The following UGT2A2 variants were observed in gnomAD, a reference collection of about 807,000 sequenced individuals.
UGT2A2 encodes UDP glucuronosyltransferase family 2 member A2.
A neutral mutation model predicts 50.7 loss-of-function variants in UGT2A2; 60 were observed. The ratio of observed to expected loss-of-function variants is 1.18; its 90% CI spans 0.96 to 1.47. The LOEUF is 1.47. Among genes scored for constraint, UGT2A2 ranks in the 40% most tolerant of loss-of-function variants. UGT2A2 has a pLI of 0.00. For synonymous variants in UGT2A2, 242 were observed against 214.6 expected (o/e 1.13, Z -1.11); for missense variants, 762 against 634.0 (o/e 1.20, Z -2.17).
At chr4:69,626,142 A>T (rs1721044162) in intron 1 of UGT2A2, among the ~76,000 whole-genome samples, 1 of 150,784 alleles carries the variant, frequency 6.6e-6, no homozygotes. Context: ...ACCTTGTTGG[A>T]TACTGGGCTA....
Position 69,589,375 on chromosome 4 carries a change from TTC to T in UGT2A2, c.1606_1607del (p.Glu536IlefsTer18), listed in dbSNP as rs745484922. On this transcript the variant is annotated frameshift_variant, in exon 6 of 6. Coordinates refer to ENST00000604629, the MANE Select transcript of UGT2A2 (RefSeq NM_001105677.2). LOFTEE classifies it high-confidence loss of function. ...TATATTTCCTCTTTTTCTTGACCTA[TTC>T]TCTTTTTTTCTTCTTTCCTATCTTA... is the stretch of plus-strand genomic sequence containing the variant. ...FGKIGKKKKR[E>X] 1.1e-5 allele frequency: 17 copies of T among 1,610,316 alleles called. No individual in the cohort carries two copies. The Admixed American group carries it at 2.9e-4, about 27-fold the overall frequency.
At chr4:69,598,405 A>G (rs1577949271) in intron 2 of UGT2A2, among the ~76,000 whole-genome samples, 1 of 152,010 alleles carries the variant, frequency 6.6e-6, no homozygotes, top group East Asian at 1.9e-4. Flanking sequence ...GCTTCTCAAC[A>G]CTTTTTCTGT....
At chr4:69,637,297 T>C (rs1009822060) in intron 1 of UGT2A2, among the ~76,000 whole-genome samples, 2 of 152,140 alleles carry the variant, frequency 1.3e-5, no homozygotes, top group Admixed American at 6.5e-5. Context: ...ATGTGGTATA[T>C]TTAATATCTT....
At chr4:69,590,311 C>T (rs1718514797) in intron 5 of UGT2A2, among the ~76,000 whole-genome samples, 1 of 152,178 alleles carries the variant, frequency 6.6e-6, no homozygotes, top group Non-Finnish European at 1.5e-5. Flanking sequence ...AACTTGCCAT[C>T]ACAATAGAGA....
chr4:69,618,381 T>C (rs1720543175), intron 1 of UGT2A2, among the ~76,000 whole-genome samples: 1 of 151,844 alleles, frequency 6.6e-6, no homozygotes, highest in South Asian at 2.1e-4. Flanking sequence ...GAGATTCCAC[T>C]ACAGGTTGGC....
chr4:69,607,201 G>GTACTGGTACCAAAACAGCATGA, intron 1 of UGT2A2, among the ~76,000 whole-genome samples: 1 of 150,242 alleles, frequency 6.7e-6, no homozygotes, highest in African/African-American at 2.5e-5. Context: ...AAACAGCATG[G>GTACTGGTACCAAAACAGCATGA]TACTGGTACC....
chr4:69,610,687 G>A (rs973305066), intron 1 of UGT2A2, among the ~76,000 whole-genome samples: 1 of 152,142 alleles, frequency 6.6e-6, no homozygotes, highest in Non-Finnish European at 1.5e-5. Context: ...CTTCCAAGAA[G>A]AGGAAGTGAC....
intron 1 of UGT2A2, among the ~76,000 whole-genome samples, chr4:69,610,481 C>A (rs17147503): frequency 0.013 from 2,012 of 152,038 alleles, 45 homozygotes; most frequent in African/African-American, 0.046. Context: ...ACTTATGAAC[C>A]AATTAATATT....
intron 1 of UGT2A2, among the ~76,000 whole-genome samples, chr4:69,615,010 C>G (rs1488026660): frequency 6.6e-6 from 1 of 151,922 alleles, no homozygotes; most frequent in African/African-American, 2.4e-5. Context: ...CACTTTTAAA[C>G]AGCTATATCT....
intron 1 of UGT2A2, among the ~76,000 whole-genome samples, chr4:69,638,622 C>A (rs1278929049): frequency 1.3e-5 from 2 of 152,084 alleles, no homozygotes; most frequent in Non-Finnish European, 2.9e-5. Context: ...TGGGCACTTT[C>A]ATTTATATTT....
rs143064060 is a variant in UGT2A2, at chr4:69,627,598, A to AAAAGAAAGAAAG, written c.742+11289_742+11300dup. 2.5e-3 allele frequency among the ~76,000 whole-genome samples: 366 copies of AAAAGAAAGAAAG among 149,222 alleles called. 2 individuals carry two copies. The highest frequency in any genetic ancestry group is 8.3e-3 in the African/African-American group (339 of 40,626). ...AGAGAGAAAGAAAAAAAGAAGAAAGAAAAGAAAGAAAGAAAGAGAAGAAAG... is the reference window on the plus strand; with the variant it reads ...AGAGAGAAAGAAAAAAAGAAGAAAGAAAAGAAAGAAAGAAAGAAAGAAAGAAAGAGAAGAAAG... On this transcript the variant is annotated intron_variant, in intron 1 of 5. Transcript: ENST00000604629.
rs923871619 is a variant in UGT2A2 at position 69,639,416 on chromosome 4, A to C, written c.225T>G (p.Asp75Glu). 1.9e-6 allele frequency: 3 copies of C among 1,613,222 alleles called. No homozygotes were observed. The highest frequency in any genetic ancestry group is 2.7e-5 in the African/African-American group (2 of 74,878). Residue 75 changes from aspartate (D) to glutamate (E), a missense_variant, in exon 1 of 6, where the codon GAT becomes GAG. By Grantham distance (45) the Asp-to-Glu change is conservative (BLOSUM62 2). Transcript: ENST00000604629. ...SATLFINSNP[D>E]SPVNFEVIPV... ...GTATCACTTCAAAATTCACAGGAGA[A>C]TCGGGATTGGAGTTGATGAATAGAG...
intron 1 of UGT2A2, among the ~76,000 whole-genome samples, chr4:69,618,209 G>GTA (rs767771388): frequency 0.21 from 22,491 of 108,950 alleles, 1,998 homozygotes; most frequent in Non-Finnish European, 0.25. Flanking sequence ...GTGTGTGTGT[G>GTA]TGTGTGTATG....
At chr4:69,619,597 T>G (rs1720620436) in intron 1 of UGT2A2, among the ~76,000 whole-genome samples, 1 of 151,958 alleles carries the variant, frequency 6.6e-6, no homozygotes, top group South Asian at 2.1e-4. Flanking sequence ...TCAGGTGAAT[T>G]ATTCCATTTG....
intron 1 of UGT2A2, among the ~76,000 whole-genome samples, chr4:69,636,038 T>C (rs7686386): frequency 0.036 from 5,461 of 152,208 alleles, 318 homozygotes; most frequent in African/African-American, 0.12. Flanking sequence ...ACTCATTTCA[T>C]CTGTAAGATT....
At chr4:69,589,697 A>G in intron 5 of UGT2A2, 46 bp from the exon 6 acceptor site, 1 of 1,559,644 alleles carries the variant, frequency 6.4e-7, no homozygotes, top group Non-Finnish European at 8.7e-7. Flanking sequence ...TTTTGTTTTT[A>G]TTTTCATTGA....
chr4:69,626,645 A>AT (rs1480620457), intron 1 of UGT2A2, among the ~76,000 whole-genome samples: 1 of 146,338 alleles, frequency 6.8e-6, no homozygotes, highest in Non-Finnish European at 1.5e-5. Context: ...AAAGCAGAAG[A>AT]TAAAAAATAA....
At chr4:69,604,680 C>A (rs1261707152) in intron 1 of UGT2A2, among the ~76,000 whole-genome samples, 1 of 136,636 alleles carries the variant, frequency 7.3e-6, no homozygotes, top group Admixed American at 7.2e-5. Context: ...AAACCCATCT[C>A]ACGTGAAGAG....
intron 1 of UGT2A2, among the ~76,000 whole-genome samples, chr4:69,605,128 G>A (rs1298001049): frequency 1.5e-5 from 2 of 136,616 alleles, no homozygotes; most frequent in Non-Finnish European, 1.6e-5. Flanking sequence ...ATTCTTCTCA[G>A]CACCACACCG....
Sources: gnomAD v4.1 joint callset for allele counts (sites outside exome capture counted in the v4.1 genomes callset) on GRCh38, gnomAD v4.1.1 for gene constraint, MANE v1.5 for transcripts, NCBI Gene and HGNC (gene_info 2026-07-23, HGNC 2026-07-21) for gene names.